Variants in MYH13 observed in about 807,000 individuals in gnomAD.
MYH13 encodes myosin heavy chain 13, also known as myosin-13.
Under a neutral mutation model 232.1 loss-of-function variants are expected in MYH13, and 177 were observed. The ratio of observed to expected loss-of-function variants is 0.76; its 90% CI spans 0.67 to 0.86. The LOEUF is 0.86. MYH13 is among the 40% of genes least tolerant of loss of function. The pLI, the probability that MYH13 is intolerant of heterozygous loss-of-function variation, is 0.00. For missense variants in MYH13, 2,246 were observed against 2,405.9 expected (o/e 0.93, Z 1.39); for synonymous variants, 884 against 923.5 (o/e 0.96, Z 0.78).
In MYH13 at chr17:10,303,281, T is replaced by A. The variant is rs761531272; in HGVS notation, c.5582A>T (p.Asp1861Val). 3 of 1,613,506 alleles carry A rather than the reference T, an allele frequency of 1.9e-6. No individual in the cohort carries two copies. The African/African-American group carries it at 4.0e-5, about 22-fold the overall frequency. Residue 1861 changes from aspartate (D) to valine (V), a missense_variant, in exon 39 of 41, where the codon GAC (aspartate) becomes GTC (valine). By Grantham distance (152) the Asp-to-Val change is radical. Transcript: ENST00000252172. ...VKEMTYQAEE[D>V]HKNILRLQDL... ...CTGGAGCCTAAGGATATTCTTGTGG[T>A]CCTCCTCAGCCTGCAAACAGAGTAC...
chr17:10,349,848 A>G (rs1005690012), intron 12 of MYH13, among the ~76,000 whole-genome samples: 3 of 152,160 alleles, frequency 2.0e-5, no homozygotes, highest in Non-Finnish European at 1.5e-5. Flanking sequence ...ACTGCTTCAC[A>G]TACTGTGGGG....
chr17:10,365,331 G>T (rs557104032), intron 2 of MYH13, among the ~76,000 whole-genome samples: 11 of 152,330 alleles, frequency 7.2e-5, no homozygotes, highest in African/African-American at 2.4e-4. Context: ...TGAACATGAA[G>T]ATTTGTCACA....
At position 10,313,199 on chromosome 17, in the gene MYH13, C is replaced by T. The variant is rs117809599; in HGVS notation, c.4140G>A (p.Glu1380=). The T allele has an allele frequency of 1.3e-3, 2,069 of 1,614,204 alleles. 32 individuals are homozygous for T. The East Asian group carries it at 0.033, about 26-fold the overall frequency. ...CCTCTGTGCGCTGAATGGCGTCCGTCTCGTATTTGGTCCTCCACTGGGCAA... is the reference window on the plus strand; with the variant it reads ...CCTCTGTGCGCTGAATGGCGTCCGTTTCGTATTTGGTCCTCCACTGGGCAA... ...SEVAQWRTKY[E]TDAIQRTEEL... Residue 1380 remains glutamate, a synonymous_variant, in exon 30 of 41, where the codon GAG becomes GAA. Transcript: ENST00000252172.
intron 12 of MYH13, among the ~76,000 whole-genome samples, chr17:10,347,970 C>CA (rs1243066388): frequency 6.6e-6 from 1 of 151,982 alleles, no homozygotes; most frequent in African/African-American, 2.4e-5. Flanking sequence ...GCCCACCTCC[C>CA]AAAGTGCTGG....
intron 5 of MYH13, 101 bp downstream of exon 5, chr17:10,362,017 T>G (rs2071797725): frequency 1.2e-6 from 2 of 1,600,662 alleles, no homozygotes; most frequent in Non-Finnish European, 1.7e-6. Flanking sequence ...TCTCCGAAGA[T>G]CCTTTGATTA....
chr17:10,301,364 C>A (rs572828296), intron 40 of MYH13, among the ~76,000 whole-genome samples: 1 of 152,272 alleles, frequency 6.6e-6, no homozygotes, highest in African/African-American at 2.4e-5. Flanking sequence ...TCCCCCGGGG[C>A]TTGGGATTTC....
Position 10,365,927 on chromosome 17 carries a change from C to T in MYH13, c.-12-1385G>A, listed in dbSNP as rs1028674593. Among the ~76,000 whole-genome samples the T allele has an allele frequency of 3.3e-5, 5 of 150,918 alleles. No individual in the cohort carries two copies. In the Admixed American group the frequency reaches 3.3e-4, roughly 10 times the overall value. On this transcript the variant is annotated intron_variant, in intron 2 of 40. Coordinates refer to ENST00000252172, the MANE Select transcript of MYH13 (RefSeq NM_003802.3). ...TGTAGGGGGTATTGGTCTCTCTCATCCCTTGTATCACTTTCTCCTAAACTA... is the reference window on the plus strand; with the variant it reads ...TGTAGGGGGTATTGGTCTCTCTCATTCCTTGTATCACTTTCTCCTAAACTA...
rs761657838 is a variant in MYH13, at chr17:10,311,120, C to T, written c.4639G>A (p.Ala1547Thr). The T allele has an allele frequency of 1.5e-5, 25 of 1,613,984 alleles. No individual in the cohort carries two copies. The highest frequency in any genetic ancestry group is 1.2e-4 in the South Asian group (11 of 91,082). The stretch of plus-strand genomic sequence containing the variant: ...ACACTTACCTCCACTTCTTCTAAGG[C>T]GACCTGCAGATCTGACTTTTCCTGC... The part of the protein sequence containing the change: ...VEQEKSDLQV[A>T]LEEVEGSLEH... Residue 1547 changes from alanine (A) to threonine (T), a missense_variant, in exon 33 of 41, where the codon GCC becomes ACC. Ala to Thr is a moderately conservative substitution (Grantham distance 58). Coordinates refer to ENST00000252172, the MANE Select transcript of MYH13 (RefSeq NM_003802.3).
chr17:10,355,066 TAG>T lies in MYH13; in HGVS notation c.802+16_802+17del. On this transcript the variant is annotated intron_variant, in intron 9 of 40. Coordinates refer to ENST00000252172, the MANE Select transcript of MYH13 (RefSeq NM_003802.3). ...TGTGGCCAAAACACCAACGGATTTA[TAG>T]AGTGTTTGGACTCACAAGTTTCGAT... The T allele has an allele frequency of 6.2e-7, 1 of 1,607,744 alleles. No homozygotes were observed. Among genetic ancestry groups the T allele is most frequent in the Non-Finnish European group, 8.5e-7 (1 of 1,176,546 alleles).
chr17:10,303,871 C>T (rs1440982652), intron 37 of MYH13, among the ~76,000 whole-genome samples: 1 of 152,150 alleles, frequency 6.6e-6, no homozygotes, highest in Admixed American at 6.5e-5. Flanking sequence ...GGAACCAACC[C>T]AAATGCCCAT....
rs933515796 is a variant in MYH13, at chr17:10,322,669, T to A, written c.2935-961A>T. 2.9e-5 allele frequency among the ~76,000 whole-genome samples: 4 copies of A among 140,306 alleles called. No individual in the cohort carries two copies. The Admixed American group carries it at 2.9e-4, about 10-fold the overall frequency. 92.0% of individuals were successfully genotyped at this position (140,306 alleles called of 152,430 possible). Reference sequence around the variant, plus strand: ...TTTTTTTTGAGAGGGAGTCTCACTCTGTCGCCCAGGCTGGAGTGCAGTGGC... The same window carrying A: ...TTTTTTTTGAGAGGGAGTCTCACTCAGTCGCCCAGGCTGGAGTGCAGTGGC... On this transcript the variant is annotated intron_variant, in intron 23 of 40. Coordinates refer to ENST00000252172, the MANE Select transcript of MYH13 (RefSeq NM_003802.3).
chr17:10,369,532 T>C (rs1431943935), intron 2 of MYH13, among the ~76,000 whole-genome samples: 1 of 152,198 alleles, frequency 6.6e-6, no homozygotes, highest in Non-Finnish European at 1.5e-5. Flanking sequence ...ATTGACAGTA[T>C]TGGTGTTAAC....
At chr17:10,313,504 AT>A in intron 29 of MYH13, 150 bp from the exon 30 acceptor site, 17 of 1,187,728 alleles carry the variant, frequency 1.4e-5, no homozygotes, top group South Asian at 1.7e-5. Flanking sequence ...GGTTTATTTA[AT>A]TTTTTTTCAA....
At chr17:10,360,564 G>T (rs1294580327) in intron 5 of MYH13, among the ~76,000 whole-genome samples, 3 of 152,186 alleles carry the variant, frequency 2.0e-5, no homozygotes, top group Non-Finnish European at 4.4e-5. Flanking sequence ...ATTTATAGAT[G>T]CTGGTTGGTT....
rs1422563864 is a variant in MYH13, at chr17:10,364,445, T to C, written c.86A>G (p.Asn29Ser). The C allele has an allele frequency of 6.2e-7, 1 of 1,613,204 alleles. No individual in the cohort carries two copies. The highest frequency in any genetic ancestry group is 8.5e-7 in the Non-Finnish European group (1 of 1,179,576). ...KPEKERIEAQ[N>S]RPFDSKKACF... ...GGCTTTCTTGGAATCGAATGGACGA[T>C]TTTGAGCCTCGATTCTCTCCTTCTC... Residue 29 changes from asparagine (N) to serine (S), a missense_variant, in exon 3 of 41, where the codon AAT becomes AGT. By Grantham distance (46) the Asn-to-Ser change is conservative. Coordinates refer to ENST00000252172, the MANE Select transcript of MYH13 (RefSeq NM_003802.3).
chr17:10,307,024 T>C lies in MYH13; in HGVS notation c.5210A>G (p.Asp1737Gly), dbSNP rs1465129047. ...CACCTCTGCCTGGCACTGAGCTATGTCAGCCTCCAGTTTTTTCTTGGTATT... is the reference window on the plus strand; with the variant it reads ...CACCTCTGCCTGGCACTGAGCTATGCCAGCCTCCAGTTTTTTCTTGGTATT... ...LINTKKKLEA[D>G]IAQCQAEVEN... is the part of the protein sequence containing the mutation. Residue 1737 changes from aspartate to glycine, a missense_variant, in exon 36 of 41, where the codon GAC becomes GGC. Asp to Gly is a moderately conservative substitution (Grantham distance 94). Transcript: ENST00000252172. The C allele has an allele frequency of 1.2e-6, 2 of 1,613,922 alleles. No individual in the cohort carries two copies. The highest frequency in any genetic ancestry group is 1.7e-6 in the Non-Finnish European group (2 of 1,179,910).
intron 18 of MYH13, among the ~76,000 whole-genome samples, chr17:10,336,610 C>T (rs1224316891): frequency 6.6e-6 from 1 of 152,072 alleles, no homozygotes; most frequent in Non-Finnish European, 1.5e-5. Context: ...AACCCCCGAC[C>T]CCTACCTTTA....
At chr17:10,355,231 T>C (rs1212726662) in intron 8 of MYH13, 84 bp from the exon 9 acceptor site, 1 of 1,339,666 alleles carries the variant, frequency 7.5e-7, no homozygotes, top group Admixed American at 2.0e-5. Flanking sequence ...CTGCCACAGA[T>C]AAATTATAAA....
At chr17:10,319,701 G>C (rs906869219) in intron 26 of MYH13, among the ~76,000 whole-genome samples, 4 of 152,074 alleles carry the variant, frequency 2.6e-5, no homozygotes, top group African/African-American at 9.7e-5. Context: ...AAAGAAAGGA[G>C]CAAATTGCAG....
Sources: gnomAD v4.1 joint callset for allele counts (sites outside exome capture counted in the v4.1 genomes callset) on GRCh38, gnomAD v4.1.1 for gene constraint, MANE v1.5 for transcripts, NCBI Gene and HGNC (gene_info 2026-07-23, HGNC 2026-07-21) for gene names.